Variants in FRYL observed in about 807,000 individuals in gnomAD.
FRYL encodes FRY like transcription coactivator.
A neutral mutation model predicts 351.2 loss-of-function variants in FRYL; 150 were observed. That is an observed-to-expected ratio of 0.43 (90% CI 0.37 to 0.49). The LOEUF is 0.49. Among genes scored for constraint, FRYL ranks in the 20% least tolerant of loss-of-function variants. The probability of loss-of-function intolerance (pLI) is 0.00; values close to 1 mark genes in which losing one functional copy is unlikely to be tolerated. For synonymous variants in FRYL, 1,153 were observed against 1,257.1 expected (o/e 0.92, Z 1.75); for missense variants, 3,036 against 3,619.3 (o/e 0.84, Z 4.13).
chr4:48,527,385 ACTGAC>A, intron 53 of FRYL, 87 bp downstream of exon 53: 1 of 1,018,084 alleles, frequency 9.8e-7, no homozygotes, highest in Non-Finnish European at 1.4e-6. Flanking sequence ...TTGACCTTAC[ACTGAC>A]CTCAATAAGG....
At chr4:48,761,784 G>A (rs1774445652) in intron 1 of FRYL, among the ~76,000 whole-genome samples, 1 of 152,186 alleles carries the variant, frequency 6.6e-6, no homozygotes. Flanking sequence ...CTAGGAGCAA[G>A]AGACTATATC....
In FRYL at chr4:48,582,605, C is replaced by T. The variant is rs1423334943; in HGVS notation, c.1878G>A (p.Val626=). Residue 626 remains valine (V), a synonymous_variant, in exon 20 of 64, where the codon GTG becomes GTA. Coordinates refer to ENST00000358350, the MANE Select transcript of FRYL (RefSeq NM_015030.2). ...CAAGAAGTGTGGGATGGACATCAGT[C>T]ACTTCACGAACAATAAAATAAACAA... is the stretch of plus-strand genomic sequence containing the variant. ...SGFVYFIVRE[V]TDVHPTLLDN... 3 of 1,613,954 alleles carry T rather than the reference C, an allele frequency of 1.9e-6. No individual in the cohort carries two copies. In the Admixed American group the frequency reaches 5.0e-5, roughly 27 times the overall value.
chr4:48,769,545 A>G (rs868854746), intron 1 of FRYL, among the ~76,000 whole-genome samples: 4 of 152,252 alleles, frequency 2.6e-5, no homozygotes, highest in Admixed American at 1.3e-4. Flanking sequence ...ATAAAACTAA[A>G]CATACACTTA....
At chr4:48,589,989 A>T in intron 17 of FRYL, 112 bp from the exon 18 acceptor site, 1 of 900,070 alleles carries the variant, frequency 1.1e-6, no homozygotes, top group Admixed American at 2.4e-5. Context: ...GTTGCCACAA[A>T]AGGGGTTTCA....
chr4:48,594,149 T>C (rs1335740813), intron 15 of FRYL, 133 bp from the exon 16 acceptor site: 2 of 470,802 alleles, frequency 4.2e-6, no homozygotes, highest in Non-Finnish European at 7.5e-6. Flanking sequence ...AGAAGAAAAA[T>C]ACATATGAAT....
intron 53 of FRYL, among the ~76,000 whole-genome samples, chr4:48,523,811 AC>A (rs1384474311): frequency 1.3e-5 from 2 of 152,244 alleles, no homozygotes; most frequent in African/African-American, 2.4e-5. Context: ...GACTTTAAAT[AC>A]CCACATGCAC....
intron 3 of FRYL, chr4:48,653,944 C>T (rs1016425215): frequency 3.9e-5 from 47 of 1,213,670 alleles, no homozygotes; most frequent in Non-Finnish European, 4.6e-5. Flanking sequence ...GCTTCATTAC[C>T]ATGCAGTCTT....
chr4:48,656,728 C>CTA (rs146914218), intron 3 of FRYL, among the ~76,000 whole-genome samples: 69,917 of 144,808 alleles, frequency 0.48, 19,045 homozygotes, highest in Admixed American at 0.63. Context: ...ATATGACTGA[C>CTA]TATATATATA....
chr4:48,532,642 G>A (rs924803120), intron 49 of FRYL, among the ~76,000 whole-genome samples: 4 of 151,908 alleles, frequency 2.6e-5, no homozygotes, highest in Non-Finnish European at 5.9e-5. Flanking sequence ...GGGCAACAGA[G>A]ACTCCATCTC....
At chr4:48,556,718 A>G (rs938112853) in intron 35 of FRYL, among the ~76,000 whole-genome samples, 7 of 152,186 alleles carry the variant, frequency 4.6e-5, no homozygotes, top group African/African-American at 1.7e-4. Context: ...CATTAAATAA[A>G]TCAGATGTAG....
At chr4:48,716,263 A>C (rs1394437502) in intron 1 of FRYL, among the ~76,000 whole-genome samples, 1 of 151,462 alleles carries the variant, frequency 6.6e-6, no homozygotes, top group Non-Finnish European at 1.5e-5. Context: ...ACAAAAGCCA[A>C]AATTGACAAA....
At position 48,563,936 on chromosome 4, in the gene FRYL, T is replaced by C. The variant is rs1736147136; in HGVS notation, c.3596+12A>G. On this transcript the variant is annotated intron_variant, in intron 31 of 63. Coordinates refer to ENST00000358350, the MANE Select transcript of FRYL (RefSeq NM_015030.2). The stretch of plus-strand genomic sequence containing the variant: ...AGAACAAAATGAAACAAAAAACCTG[T>C]ATCTAAAGTACCTGTTCTGGAAAAC... 1.3e-6 allele frequency: 2 copies of C among 1,597,888 alleles called. No homozygotes were observed.
chr4:48,629,188 G>T (rs1156494662), intron 4 of FRYL, among the ~76,000 whole-genome samples: 1 of 151,984 alleles, frequency 6.6e-6, no homozygotes, highest in African/African-American at 2.4e-5. Context: ...TAGCTTCAGA[G>T]AAAGCAAGAG....
At chr4:48,619,717 G>T (rs1750269220) in intron 6 of FRYL, among the ~76,000 whole-genome samples, 3 of 152,068 alleles carry the variant, frequency 2.0e-5, no homozygotes, top group Admixed American at 2.0e-4. Flanking sequence ...GCCCAGACTG[G>T]TCTCAAATTC....
chr4:48,511,064 G>A, intron 57 of FRYL, 80 bp from the exon 58 acceptor site: 1 of 798,754 alleles, frequency 1.3e-6, no homozygotes, highest in Non-Finnish European at 2.0e-6. Context: ...AGCATAATAG[G>A]GTAGACTTTT....
chr4:48,537,873 ATACT>A (rs1481475423), intron 47 of FRYL, among the ~76,000 whole-genome samples: 7 of 152,132 alleles, frequency 4.6e-5, no homozygotes, highest in Non-Finnish European at 8.8e-5. Context: ...CCACTCTTAA[ATACT>A]TCTACTTCCC....
intron 19 of FRYL, among the ~76,000 whole-genome samples, chr4:48,585,814 TTTTC>T (rs934961078): frequency 3.9e-5 from 6 of 152,382 alleles, no homozygotes; most frequent in African/African-American, 1.4e-4. Flanking sequence ...AATACTTGTC[TTTTC>T]TTTATGTTAG....
At chr4:48,506,617 TATATATA>T (rs1251891906) in intron 59 of FRYL, 3 of 2,152 alleles carry the variant, frequency 1.4e-3, no homozygotes, top group Non-Finnish European at 1.9e-3. Context: ...ATACAACTAA[TATATATA>T]TATATATATA....
intron 59 of FRYL, chr4:48,506,713 G>A (rs1346281622): frequency 7.1e-6 from 1 of 140,174 alleles, no homozygotes; most frequent in East Asian, 2.1e-4. Context: ...GCATTAAGCA[G>A]CTACTCTGAA....
Sources: gnomAD v4.1 joint callset for allele counts (sites outside exome capture counted in the v4.1 genomes callset) on GRCh38, gnomAD v4.1.1 for gene constraint, MANE v1.5 for transcripts, NCBI Gene and HGNC (gene_info 2026-07-23, HGNC 2026-07-21) for gene names.